The following JMJD1C variants were observed in gnomAD, a reference collection of about 807,000 sequenced individuals.
The protein encoded by JMJD1C is jumonji domain containing 1C, also known as jumonji domain-containing protein 1C.
Under a neutral mutation model 245.3 loss-of-function variants are expected in JMJD1C, and 31 were observed. The observed-to-expected ratio is 0.13, with a 90% CI of 0.09 to 0.17. The LOEUF (loss-of-function observed/expected upper bound fraction) is 0.17. JMJD1C is among the 10% of genes least tolerant of loss of function. JMJD1C has a pLI of 1.00. For synonymous variants in JMJD1C, 1,057 were observed against 1,017.4 expected (o/e 1.04, Z -0.74); for missense variants, 2,691 against 3,000.2 (o/e 0.90, Z 2.41).
intron 2 of JMJD1C, among the ~76,000 whole-genome samples, chr10:63,331,329 C>T (rs1942117642): frequency 6.6e-6 from 1 of 152,108 alleles, no homozygotes; most frequent in South Asian, 2.1e-4. Flanking sequence ...TTACTTTTTT[C>T]CTATCAAATC....
chr10:63,374,337 A>G (rs1369981218), intron 2 of JMJD1C, among the ~76,000 whole-genome samples: 1 of 152,212 alleles, frequency 6.6e-6, no homozygotes, highest in East Asian at 1.9e-4. Context: ...TAGCAGAGAA[A>G]GAGTAACATT....
intron 10 of JMJD1C, chr10:63,204,026 G>A (rs1352353406): frequency 4.1e-6 from 4 of 964,216 alleles, no homozygotes; most frequent in Non-Finnish European, 4.9e-6. Flanking sequence ...GAGGCAGGAG[G>A]ATTGCCTGAG....
intron 2 of JMJD1C, among the ~76,000 whole-genome samples, chr10:63,335,673 G>A (rs989277991): frequency 2.6e-5 from 4 of 152,122 alleles, no homozygotes; most frequent in African/African-American, 9.6e-5. Context: ...CACTGCAACA[G>A]CTAATTTCTG....
At chr10:63,262,268 T>C (rs72831004) in intron 3 of JMJD1C, among the ~76,000 whole-genome samples, 21,437 of 152,100 alleles carry the variant, frequency 0.14, 3,442 homozygotes, top group African/African-American at 0.4. Flanking sequence ...TATAGAGCCA[T>C]TGTAATTACA....
At chr10:63,250,244 T>A (rs1852872749) in intron 3 of JMJD1C, among the ~76,000 whole-genome samples, 1 of 152,144 alleles carries the variant, frequency 6.6e-6, no homozygotes, top group East Asian at 1.9e-4. Flanking sequence ...TCTTGAACTC[T>A]TGGCCTCAAG....
At chr10:63,185,773 T>G (rs561874207) in intron 19 of JMJD1C, 120 bp from the exon 20 acceptor site, 2 of 662,528 alleles carry the variant, frequency 3.0e-6, no homozygotes, top group South Asian at 3.6e-5. Flanking sequence ...TGCTTAATGA[T>G]TGCTTGCTTA....
chr10:63,275,618 C>T (rs1036973980), intron 2 of JMJD1C, among the ~76,000 whole-genome samples: 1 of 151,682 alleles, frequency 6.6e-6, no homozygotes, highest in African/African-American at 2.4e-5. Context: ...AGTGATTTTA[C>T]TATGGAAAAT....
intron 1 of JMJD1C, 73 bp from the exon 2 acceptor site, chr10:63,380,555 T>C (rs1204424351): frequency 8.9e-7 from 1 of 1,117,806 alleles, no homozygotes; most frequent in East Asian, 2.4e-5. Flanking sequence ...TAATGCATAA[T>C]AATTGTACAT....
At chr10:63,254,116 T>C (rs1853502618) in intron 3 of JMJD1C, among the ~76,000 whole-genome samples, 1 of 152,138 alleles carries the variant, frequency 6.6e-6, no homozygotes, top group Non-Finnish European at 1.5e-5. Context: ...AGGGCTTCAT[T>C]TTAAAGTATT....
chr10:63,477,395 T>C (rs553380704), intron 1 of JMJD1C, among the ~76,000 whole-genome samples: 39 of 4,462 alleles, frequency 8.7e-3, no homozygotes, highest in South Asian at 0.25. Flanking sequence ...GGCAAAAAGA[T>C]AGATATACAT....
intron 2 of JMJD1C, among the ~76,000 whole-genome samples, chr10:63,279,404 A>T (rs867314557): frequency 9.8e-5 from 15 of 152,374 alleles, no homozygotes; most frequent in African/African-American, 3.6e-4. Context: ...ATTAACCTTA[A>T]ATTTTAATAA....
intron 2 of JMJD1C, among the ~76,000 whole-genome samples, chr10:63,288,972 G>A (rs933923373): frequency 4.7e-5 from 7 of 149,864 alleles, no homozygotes; most frequent in African/African-American, 9.8e-5. Context: ...TTCTTAATCC[G>A]ACATGTCTTT....
intron 2 of JMJD1C, among the ~76,000 whole-genome samples, chr10:63,290,298 G>A (rs556159391): frequency 1.3e-5 from 2 of 152,302 alleles, no homozygotes; most frequent in East Asian, 3.9e-4. Flanking sequence ...GCCAGGCGCG[G>A]TGGCTCACAC....
intron 2 of JMJD1C, among the ~76,000 whole-genome samples, chr10:63,279,373 T>A (rs1018653421): frequency 9.2e-5 from 14 of 152,040 alleles, no homozygotes; most frequent in African/African-American, 2.9e-4. Context: ...AGAAAAAAAA[T>A]TTTAAAAAGC....
At chr10:63,352,912 T>C (rs2134300699) in intron 2 of JMJD1C, among the ~76,000 whole-genome samples, 1 of 152,136 alleles carries the variant, frequency 6.6e-6, no homozygotes, top group South Asian at 2.1e-4. Context: ...TTGGTAAAAG[T>C]AGGCTGGTGG....
intron 3 of JMJD1C, among the ~76,000 whole-genome samples, chr10:63,252,795 A>C (rs1247789446): frequency 6.6e-6 from 1 of 152,230 alleles, no homozygotes; most frequent in Non-Finnish European, 1.5e-5. Flanking sequence ...AATACTATGC[A>C]TACAGCTCTA....
At chr10:63,511,153 AT>A (rs1954860146) in intron 1 of JMJD1C, among the ~76,000 whole-genome samples, 1 of 152,260 alleles carries the variant, frequency 6.6e-6, no homozygotes, top group East Asian at 1.9e-4. Context: ...TAATTGGTAT[AT>A]TTAACCACAG....
At chr10:63,440,128 A>C (rs1951283869) in intron 1 of JMJD1C, among the ~76,000 whole-genome samples, 1 of 152,190 alleles carries the variant, frequency 6.6e-6, no homozygotes, top group East Asian at 1.9e-4. Context: ...TGAGGTGAAG[A>C]GTTTGAGATC....
intron 2 of JMJD1C, among the ~76,000 whole-genome samples, chr10:63,299,729 T>C (rs1859865928): frequency 6.6e-6 from 1 of 152,128 alleles, no homozygotes; most frequent in South Asian, 2.1e-4. Context: ...ATGAACAAAC[T>C]GGGTTAATTC....
Sources: allele counts gnomAD v4.1 joint callset (sites outside exome capture counted in the v4.1 genomes callset), GRCh38; gene constraint gnomAD v4.1.1; transcripts MANE v1.5; gene names NCBI Gene and HGNC (gene_info 2026-07-23, HGNC 2026-07-21).